SKOR2: variants seen among roughly 807,000 people sequenced by gnomAD.
SKOR2 encodes LBX1 corepressor 1-like protein.
SKOR2 carries 47 observed loss-of-function variants against 69.1 expected under a neutral mutation model. The ratio of observed to expected loss-of-function variants is 0.68; its 90% CI spans 0.54 to 0.87. The LOEUF (loss-of-function observed/expected upper bound fraction) is 0.87. Ranked by LOEUF, SKOR2 falls within the 40% of genes least tolerant of loss-of-function variation. SKOR2 has a pLI of 0.00. For synonymous variants in SKOR2, 717 were observed against 672.6 expected (o/e 1.07, Z -1.02); for missense variants, 1,404 against 1,472.2 (o/e 0.95, Z 0.76).
At chr18:47,249,255 G>C in intron 1 of SKOR2, 25 bp from the exon 2 acceptor site, 1 of 1,461,896 alleles carries the variant, frequency 6.8e-7, no homozygotes, top group South Asian at 1.4e-5. Context: ...AGAAAGCGTT[G>C]ACTTGAGCCT....
Position 47,246,679 on chromosome 18 carries a change from C to G in SKOR2, c.2505G>C (p.Pro835=). The G allele has an allele frequency of 6.7e-7, 1 of 1,498,702 alleles. No individual in the cohort carries two copies. Among genetic ancestry groups the G allele is most frequent in the South Asian group, 1.2e-5 (1 of 80,218 alleles). The allele number at this position is 1,498,702 out of a possible 1,614,324, so 92.8% of individuals were successfully genotyped here. A position where few individuals can be genotyped will look rare whatever the true frequency, so the allele number is the denominator to read the frequency against. The part of the protein sequence containing the change: ...KLGDPGSDLP[P]PPPPPLAPQK... ...GGGGGGCCAGGGGCGGCGGCGGGGGCGGGGGCAGGTCCGAGCCGGGGTCCC... is the reference window on the plus strand; with the variant it reads ...GGGGGGCCAGGGGCGGCGGCGGGGGGGGGGGCAGGTCCGAGCCGGGGTCCC... Residue 835 remains proline, a synonymous_variant, in exon 2 of 9, where the codon CCG becomes CCC. Transcript: ENST00000425639.
At chr18:47,231,041 G>A (rs927985034) in intron 4 of SKOR2, 41 bp from the exon 5 acceptor site, 1 of 1,534,494 alleles carries the variant, frequency 6.5e-7, no homozygotes, top group African/African-American at 1.4e-5. Flanking sequence ...TTTTGTGTAG[G>A]CTAGTTCTGT....
At chr18:47,208,201 CA>C (rs2144470532) in intron 8 of SKOR2, among the ~76,000 whole-genome samples, 1 of 152,292 alleles carries the variant, frequency 6.6e-6, no homozygotes, top group African/African-American at 2.4e-5. Flanking sequence ...CCAAGGAAGA[CA>C]GGGAGAAGGC....
intron 6 of SKOR2, among the ~76,000 whole-genome samples, chr18:47,229,657 A>C (rs1226291624): frequency 6.6e-6 from 1 of 152,100 alleles, no homozygotes; most frequent in African/African-American, 2.4e-5. Flanking sequence ...CCATCTCAAA[A>C]AGAAAAAAAA....
Position 47,247,830 on chromosome 18 carries a change from C to G in SKOR2, c.1354G>C (p.Gly452Arg). The change falls in exon 2 of 9, where the codon GGC (glycine) becomes CGC (arginine). Residue 452 changes from glycine to arginine, a missense_variant. By Grantham distance (125) the Gly-to-Arg change is moderately radical. Coordinates refer to ENST00000425639, the MANE Select transcript of SKOR2 (RefSeq NM_001278063.4). This position sits in a 1 kb window ranked among gnomAD's most constrained non-coding sequence, Gnocchi z 6.6. ...AGAAPKAGLS[G>R]LFWPAGRKDA... Reference sequence around the variant, plus strand: ...TTGCGGCCCGCGGGCCAGAAGAGGCCGGACAAGCCGGCCTTGGGCGCCGCG... The same window carrying G: ...TTGCGGCCCGCGGGCCAGAAGAGGCGGGACAAGCCGGCCTTGGGCGCCGCG... The G allele has an allele frequency of 1.3e-5, 18 of 1,381,760 alleles. No homozygotes were observed. Among genetic ancestry groups the G allele is most frequent in the Non-Finnish European group, 1.7e-5 (18 of 1,077,028 alleles). 85.6% of individuals were successfully genotyped at this position (1,381,760 alleles called of 1,614,324 possible). A position where few individuals can be genotyped will look rare whatever the true frequency, so the allele number is the denominator to read the frequency against.
intron 4 of SKOR2, among the ~76,000 whole-genome samples, chr18:47,241,793 AT>A (rs1396439320): frequency 6.6e-6 from 1 of 152,122 alleles, no homozygotes; most frequent in Admixed American, 6.5e-5. Context: ...GGATAATAAG[AT>A]TGTATAACCT....
intron 4 of SKOR2, among the ~76,000 whole-genome samples, chr18:47,239,039 G>A (rs1182027253): frequency 6.6e-6 from 1 of 152,072 alleles, no homozygotes. Flanking sequence ...GAGATTTTCT[G>A]GATTTTTTAT....
chr18:47,217,263 G>A (rs139353332), intron 7 of SKOR2, among the ~76,000 whole-genome samples: 1 of 152,260 alleles, frequency 6.6e-6, no homozygotes, highest in East Asian at 1.9e-4. Flanking sequence ...GCATATTATG[G>A]CTTGTATGTA....
chr18:47,246,913 CTCT>C lies in SKOR2; in HGVS notation c.2268_2270del (p.Glu759del). On this transcript the variant is annotated inframe_deletion, in exon 2 of 9. Transcript: ENST00000425639. Reference sequence around the variant, plus strand: ...CGTCGTCAGGGTCTCGACCTTCCTCCTCTTCCTCGCCCTCGGGGGGCTTGTGGC... The same window carrying C: ...CGTCGTCAGGGTCTCGACCTTCCTCCTCCTCGCCCTCGGGGGGCTTGTGGC... 6.7e-7 allele frequency: 1 copy of C among 1,492,894 alleles called. No homozygotes were observed. The highest frequency in any genetic ancestry group is 8.9e-7 in the Non-Finnish European group (1 of 1,127,806). 92.5% of individuals were successfully genotyped at this position (1,492,894 alleles called of 1,614,324 possible).
In SKOR2 at chr18:47,251,585, C is replaced by T. The variant is rs1213842163; in HGVS notation, c.-259G>A. On this transcript the variant is annotated 5_prime_UTR_variant, in exon 1 of 9. Coordinates refer to ENST00000425639, the MANE Select transcript of SKOR2 (RefSeq NM_001278063.4). ...AATTGCGGCGGGGCGTCCCCTCCAC[C>T]GCAGAAAGTGTGGGTACGCAGAAAC... 1 of 152,226 alleles carries T rather than the reference C, an allele frequency of 6.6e-6. No homozygotes were observed. The highest frequency in any genetic ancestry group is 1.5e-5 in the Non-Finnish European group (1 of 68,056). The allele number at this position is 152,226 out of a possible 1,614,324, so 9.4% of individuals were successfully genotyped here.
Position 47,247,756 on chromosome 18 carries a change from AG to A in SKOR2, c.1427del (p.Pro476LeufsTer20). ...GGTAGGTGGGCACCGGGAGCCCGCC[AG>A]GGGTCCGCGGCGGCCAGAACATGCA... ...PFCMFWPPRT[P>X]GGLPVPTYLQ... is the part of the protein sequence containing the mutation. On this transcript the variant is annotated frameshift_variant, in exon 2 of 9. Transcript: ENST00000425639. LOFTEE classifies it high-confidence loss of function. This position sits in a 1 kb window ranked among gnomAD's most constrained non-coding sequence, Gnocchi z 6.6. 1 of 1,376,966 alleles carries A rather than the reference AG, an allele frequency of 7.3e-7. No homozygotes were observed. The highest frequency in any genetic ancestry group is 3.8e-5 in the Admixed American group (1 of 26,306). The allele number at this position is 1,376,966 out of a possible 1,614,324, so 85.3% of individuals were successfully genotyped here.
At chr18:47,226,233 G>A (rs1184077226) in intron 6 of SKOR2, among the ~76,000 whole-genome samples, 4 of 152,190 alleles carry the variant, frequency 2.6e-5, no homozygotes, top group Non-Finnish European at 5.9e-5. Flanking sequence ...AAGAGAGGAA[G>A]AAGAGATACA....
At chr18:47,218,589 CAAAAAAAAAA>C (rs57860548) in intron 7 of SKOR2, among the ~76,000 whole-genome samples, 2 of 88,258 alleles carry the variant, frequency 2.3e-5, no homozygotes, top group East Asian at 3.4e-4. Flanking sequence ...GACCCTGTCT[CAAAAAAAAAA>C]AAAAAAAAAA....
In SKOR2 at chr18:47,212,041, A is replaced by G. The variant is rs187484809; in HGVS notation, c.*3+45T>C. ...AATAAAGAATATGTTCAAGCACACAACAATACAGAGAGTTAAGAAAATCTC... is the reference window on the plus strand; with the variant it reads ...AATAAAGAATATGTTCAAGCACACAGCAATACAGAGAGTTAAGAAAATCTC... On this transcript the variant is annotated intron_variant, in intron 8 of 8. Coordinates refer to ENST00000425639, the MANE Select transcript of SKOR2 (RefSeq NM_001278063.4). 97 of 1,229,060 alleles carry G rather than the reference A, an allele frequency of 7.9e-5. No individual in the cohort carries two copies. The African/African-American group carries it at 1.4e-3, about 17-fold the overall frequency. The allele number at this position is 1,229,060 out of a possible 1,614,324, so 76.1% of individuals were successfully genotyped here.
intron 7 of SKOR2, among the ~76,000 whole-genome samples, chr18:47,213,918 A>C (rs1243675146): frequency 6.6e-6 from 1 of 152,198 alleles, no homozygotes; most frequent in African/African-American, 2.4e-5. Flanking sequence ...ATATGCTGCA[A>C]TGTGCCAAAG....
chr18:47,241,064 C>T (rs1034687127), intron 4 of SKOR2, among the ~76,000 whole-genome samples: 1 of 152,128 alleles, frequency 6.6e-6, no homozygotes, highest in African/African-American at 2.4e-5. Context: ...TTATAGTACT[C>T]ATACTGCCTT....
chr18:47,215,392 T>G (rs984328630), intron 7 of SKOR2, among the ~76,000 whole-genome samples: 1 of 152,174 alleles, frequency 6.6e-6, no homozygotes, highest in Non-Finnish European at 1.5e-5. Context: ...AGACATATTT[T>G]TACAAACTCT....
chr18:47,230,385 A>G, intron 6 of SKOR2, 74 bp downstream of exon 6: 1 of 895,654 alleles, frequency 1.1e-6, no homozygotes, highest in Non-Finnish European at 1.5e-6. Flanking sequence ...AATACTTAGA[A>G]TCACATTCTT....
chr18:47,248,876 C>T lies in SKOR2; in HGVS notation c.308G>A (p.Arg103Gln). ...TGAGATGGGCATGGCCCCGGCACGC[C>T]GCAGGATCTCCAGTTGCACCGGCGT... The part of the protein sequence containing the change: ...QCTPVQLEIL[R>Q]RAGAMPISSR... The change falls in exon 2 of 9, where the codon CGG (arginine) becomes CAG (glutamine). Residue 103 changes from arginine (R) to glutamine (Q), a missense_variant. Coordinates refer to ENST00000425639, the MANE Select transcript of SKOR2 (RefSeq NM_001278063.4). This position sits in a 1 kb window ranked among gnomAD's most constrained non-coding sequence, Gnocchi z 6.4. The T allele has an allele frequency of 1.9e-6, 3 of 1,566,580 alleles. No homozygotes were observed. Among genetic ancestry groups the T allele is most frequent in the Non-Finnish European group, 2.6e-6 (3 of 1,163,752 alleles).
Sources: allele counts gnomAD v4.1 joint callset (sites outside exome capture counted in the v4.1 genomes callset), GRCh38; gene constraint gnomAD v4.1.1; non-coding constraint Gnocchi (gnomAD v3.1); transcripts MANE v1.5; gene names NCBI Gene and HGNC (gene_info 2026-07-23, HGNC 2026-07-21).